The following ALDH1A1 variants were observed in gnomAD, a reference collection of about 807,000 sequenced individuals.
The protein encoded by ALDH1A1 is aldehyde dehydrogenase 1 family member A1.
A neutral mutation model predicts 62.1 loss-of-function variants in ALDH1A1; 19 were observed. That is an observed-to-expected ratio of 0.31 (90% confidence interval 0.21 to 0.45). The LOEUF is 0.45. ALDH1A1 is among the 20% of genes least tolerant of loss of function. The probability of loss-of-function intolerance (pLI) is 1.00; values close to 1 mark genes in which losing one functional copy is unlikely to be tolerated. For missense variants in ALDH1A1, 521 were observed against 607.1 expected, an observed-to-expected ratio of 0.86 and a Z score of 1.49; for synonymous variants, 231 against 215.9, an observed-to-expected ratio of 1.07 and a Z score of -0.61.
chr9:72,948,665 T>A (rs1224561700), intron 1 of ALDH1A1, among the ~76,000 whole-genome samples: 1 of 151,940 alleles, frequency 6.6e-6, no homozygotes, highest in Non-Finnish European at 1.5e-5. Context: ...GTTATTTTGC[T>A]TTAAACATTT....
intron 11 of ALDH1A1, among the ~76,000 whole-genome samples, chr9:72,909,214 T>G (rs1284344057): frequency 1.5e-5 from 2 of 131,374 alleles, no homozygotes; most frequent in Non-Finnish European, 3.1e-5. Context: ...GAGGCTAGAG[T>G]GCAATGGCAT....
At chr9:72,929,972 T>A (rs532254542) in intron 3 of ALDH1A1, among the ~76,000 whole-genome samples, 1 of 152,350 alleles carries the variant, frequency 6.6e-6, no homozygotes. Flanking sequence ...GTTCTGAATT[T>A]TTGTGTATTT....
chr9:72,928,337 C>T (rs77434450), intron 4 of ALDH1A1, among the ~76,000 whole-genome samples: 4,694 of 152,266 alleles, frequency 0.031, 126 homozygotes, highest in South Asian at 0.08. Flanking sequence ...GATTCACACA[C>T]ACAAACCCTT....
intron 12 of ALDH1A1, among the ~76,000 whole-genome samples, chr9:72,904,566 T>C (rs1032399541): frequency 6.6e-6 from 1 of 152,136 alleles, no homozygotes; most frequent in East Asian, 1.9e-4. Context: ...TAAACTGCCA[T>C]TAAGTTTTCA....
At chr9:72,952,807 G>T (rs940153353) in intron 1 of ALDH1A1, 128 bp downstream of exon 1, 14 of 976,292 alleles carry the variant, frequency 1.4e-5, no homozygotes, top group Admixed American at 1.1e-4. Flanking sequence ...CCTGCATTTT[G>T]CATGCCTTTT....
chr9:72,929,656 C>T (rs574601826), intron 3 of ALDH1A1, among the ~76,000 whole-genome samples: 1 of 152,242 alleles, frequency 6.6e-6, no homozygotes, highest in Admixed American at 6.5e-5. Context: ...ACCTATCTCC[C>T]CTTTGGCTTC....
At chr9:72,945,388 T>C (rs1162852777) in intron 1 of ALDH1A1, among the ~76,000 whole-genome samples, 1 of 151,916 alleles carries the variant, frequency 6.6e-6, no homozygotes. Context: ...AATACTTTCT[T>C]GGTGGGAGAG....
intron 1 of ALDH1A1, among the ~76,000 whole-genome samples, chr9:72,947,444 G>GACA: frequency 6.6e-6 from 1 of 152,096 alleles, no homozygotes; most frequent in East Asian, 1.9e-4. Context: ...AAAGCTGAAA[G>GACA]ACTGTTAAGA....
At chr9:72,942,957 T>C (rs998589978) in intron 1 of ALDH1A1, among the ~76,000 whole-genome samples, 1 of 152,112 alleles carries the variant, frequency 6.6e-6, no homozygotes, top group African/African-American at 2.4e-5. Flanking sequence ...GATATCTACA[T>C]ATCAGCCCAT....
chr9:72,910,792 A>T (rs1274050621), intron 10 of ALDH1A1, among the ~76,000 whole-genome samples: 1 of 152,166 alleles, frequency 6.6e-6, no homozygotes, highest in Non-Finnish European at 1.5e-5. Flanking sequence ...GCTGCTGTTC[A>T]ATAGAGGTTG....
intron 9 of ALDH1A1, 122 bp from the exon 10 acceptor site, chr9:72,912,244 C>G (rs1001016677): frequency 2.8e-6 from 2 of 726,296 alleles, no homozygotes; most frequent in Non-Finnish European, 4.5e-6. Flanking sequence ...AATATTGAAT[C>G]GAAACAGCTA....
At chr9:72,933,164 C>G (rs775696261) in intron 2 of ALDH1A1, among the ~76,000 whole-genome samples, 53 of 152,294 alleles carry the variant, frequency 3.5e-4, no homozygotes, top group Non-Finnish European at 6.6e-4. Context: ...GATTTGAATT[C>G]TGATTCCTCT....
intron 1 of ALDH1A1, among the ~76,000 whole-genome samples, chr9:72,948,318 T>C (rs1830497741): frequency 6.6e-6 from 1 of 151,928 alleles, no homozygotes; most frequent in Non-Finnish European, 1.5e-5. Flanking sequence ...CACAGCACAA[T>C]CAGCTTTGCG....
Position 72,907,043 on chromosome 9 carries a change from T to C in ALDH1A1, c.1359-1011A>G, listed in dbSNP as rs372391815. ...AGGGTGGCTTCCAGATAAATTGTAT[T>C]ATACTTTGAAGGTTTGGTCATTACT... On this transcript the variant is annotated intron_variant, in intron 11 of 12. Coordinates refer to ENST00000297785, the MANE Select transcript of ALDH1A1 (RefSeq NM_000689.5). Among the ~76,000 whole-genome samples the C allele has an allele frequency of 2.0e-5, 3 of 152,294 alleles. No individual in the cohort carries two copies. The East Asian group carries it at 5.8e-4, about 29-fold the overall frequency.
chr9:72,908,599 GAAAGAAAGAAAGAAAGAAAGAAAGAAA>G (rs1829931749), intron 11 of ALDH1A1, among the ~76,000 whole-genome samples: 2 of 144,446 alleles, frequency 1.4e-5, no homozygotes, highest in African/African-American at 2.5e-5. Flanking sequence ...AAGAAAGAAA[GAAAGAAAGAAAGAAAGAAAGAAAGAAA>G]GAGAATATTG....
intron 1 of ALDH1A1, among the ~76,000 whole-genome samples, chr9:72,946,758 C>A (rs2118580373): frequency 6.6e-6 from 1 of 152,054 alleles, no homozygotes; most frequent in East Asian, 1.9e-4. Context: ...CCCCACACCA[C>A]CATCCCAAGC....
intron 9 of ALDH1A1, among the ~76,000 whole-genome samples, chr9:72,913,404 G>A (rs529947848): frequency 3.0e-4 from 46 of 152,160 alleles, no homozygotes; most frequent in Admixed American, 7.9e-4. Context: ...TACTACATAG[G>A]TTGAATAGTA....
At chr9:72,920,082 T>C (rs1325302290) in intron 7 of ALDH1A1, among the ~76,000 whole-genome samples, 2 of 152,180 alleles carry the variant, frequency 1.3e-5, no homozygotes, top group African/African-American at 2.4e-5. Context: ...TTCTTTTTTT[T>C]ACTCTGCATG....
chr9:72,935,412 T>C (rs1274814285), intron 2 of ALDH1A1, among the ~76,000 whole-genome samples: 1 of 152,194 alleles, frequency 6.6e-6, no homozygotes, highest in East Asian at 1.9e-4. Context: ...AGATATCAAA[T>C]GCCTCCTAAA....
Sources: allele counts gnomAD v4.1 joint callset (sites outside exome capture counted in the v4.1 genomes callset), GRCh38; gene constraint gnomAD v4.1.1; transcripts MANE v1.5; gene names NCBI Gene and HGNC (gene_info 2026-07-23, HGNC 2026-07-21).